Variants in CPE observed in about 807,000 individuals in gnomAD.
CPE encodes the protein carbocypeptidase E.
Under a neutral mutation model 53.5 loss-of-function variants are expected in CPE, and 17 were observed. The ratio of observed to expected loss-of-function variants is 0.32; its 90% CI spans 0.22 to 0.48. The LOEUF is 0.48. CPE is among the 20% of genes least tolerant of loss of function. The pLI is 0.99. For synonymous variants in CPE, 226 were observed against 228.8 expected, an observed-to-expected ratio of 0.99 and a Z score of 0.11; for missense variants, 524 against 614.7, an observed-to-expected ratio of 0.85 and a Z score of 1.56.
At chr4:165,421,640 T>C (rs1486398193) in intron 1 of CPE, among the ~76,000 whole-genome samples, 1 of 149,150 alleles carries the variant, frequency 6.7e-6, no homozygotes, top group Non-Finnish European at 1.5e-5. Context: ...GAAGGGACAA[T>C]TGGAGTTGTA....
intron 1 of CPE, among the ~76,000 whole-genome samples, chr4:165,380,416 T>C (rs1730488691): frequency 6.6e-6 from 1 of 152,206 alleles, no homozygotes; most frequent in Non-Finnish European, 1.5e-5. Context: ...TTTATGTTAA[T>C]TGTGATGCAT....
chr4:165,419,543 T>C (rs1731172769), intron 1 of CPE, among the ~76,000 whole-genome samples: 1 of 152,202 alleles, frequency 6.6e-6, no homozygotes, highest in African/African-American at 2.4e-5. Context: ...ATTATTTTCA[T>C]TCTCATTTTA....
intron 1 of CPE, among the ~76,000 whole-genome samples, chr4:165,394,611 C>T (rs990934061): frequency 2.6e-5 from 4 of 152,048 alleles, no homozygotes; most frequent in African/African-American, 4.8e-5. Context: ...TTGATCTGTT[C>T]ATGTGTCTAC....
chr4:165,464,616 G>A (rs781606366), intron 2 of CPE, 30 bp downstream of exon 2: 3 of 1,540,416 alleles, frequency 1.9e-6, no homozygotes, highest in Non-Finnish European at 2.6e-6. Context: ...GATCAGGCGT[G>A]CTTTCTTCAT....
chr4:165,389,296 A>C lies in CPE; in HGVS notation c.307+9768A>C, dbSNP rs575596991. Among the ~76,000 whole-genome samples, 196 of 152,312 alleles carry C rather than the reference A, an allele frequency of 1.3e-3. 1 individual carries two copies. The highest frequency in any genetic ancestry group is 2.4e-3 in the Non-Finnish European group (162 of 68,010). Reference sequence around the variant, plus strand: ...AAATTTCAAATTAGTTTAACTATTTATATTTATAGATTTCACTCCTATCTA... The same window carrying C: ...AAATTTCAAATTAGTTTAACTATTTCTATTTATAGATTTCACTCCTATCTA... On this transcript the variant is annotated intron_variant, in intron 1 of 8. Coordinates refer to ENST00000402744, the MANE Select transcript of CPE (RefSeq NM_001873.4).
chr4:165,455,805 A>G (rs1731891725), intron 1 of CPE, among the ~76,000 whole-genome samples: 1 of 152,074 alleles, frequency 6.6e-6, no homozygotes, highest in Admixed American at 6.6e-5. Context: ...GGCGCCCGCC[A>G]CCACATCTAG....
intron 1 of CPE, among the ~76,000 whole-genome samples, chr4:165,414,069 AG>A (rs1731084364): frequency 6.6e-6 from 1 of 152,232 alleles, no homozygotes; most frequent in South Asian, 2.1e-4. Context: ...TTTTCTCAAA[AG>A]ATTTGTATGT....
At position 165,392,679 on chromosome 4, in the gene CPE, A is replaced by G. The variant is rs962578509; in HGVS notation, c.307+13151A>G. On this transcript the variant is annotated intron_variant, in intron 1 of 8. Coordinates refer to ENST00000402744, the MANE Select transcript of CPE (RefSeq NM_001873.4). The stretch of plus-strand genomic sequence containing the variant: ...TATACATATTTTATTATATTTATAT[A>G]TCATATCATAATGGAGCTTATCGTA... Among the ~76,000 whole-genome samples the G allele has an allele frequency of 2.7e-5, 4 of 147,378 alleles. No individual in the cohort carries two copies. The Admixed American group carries it at 2.7e-4, about 10-fold the overall frequency.
chr4:165,455,090 T>G (rs1731879120), intron 1 of CPE, among the ~76,000 whole-genome samples: 1 of 152,236 alleles, frequency 6.6e-6, no homozygotes, highest in Non-Finnish European at 1.5e-5. Flanking sequence ...TGCTGCCTCC[T>G]AAACTTTTCT....
At position 165,379,495 on chromosome 4, in the gene CPE, G is replaced by A; in HGVS notation, c.274G>A (p.Glu92Lys). The A allele has an allele frequency of 6.2e-7, 1 of 1,600,700 alleles. No homozygotes were observed. The highest frequency in any genetic ancestry group is 8.5e-7 in the Non-Finnish European group (1 of 1,171,732). The part of the protein sequence containing the change: ...SFEGRELLVI[E>K]LSDNPGVHEP... ...CGAGGGCCGGGAGCTCCTGGTCATCGAGCTGTCCGACAACCCTGGCGTCCA... is the reference window on the plus strand; with the variant it reads ...CGAGGGCCGGGAGCTCCTGGTCATCAAGCTGTCCGACAACCCTGGCGTCCA... The change falls in exon 1 of 9, where the codon GAG becomes AAG. Residue 92 changes from glutamate (E) to lysine (K), a missense_variant. Transcript: ENST00000402744. This position sits in a 1 kb window ranked among gnomAD's most constrained non-coding sequence, Gnocchi z 6.0.
chr4:165,480,702 T>G (rs540728400), intron 3 of CPE, among the ~76,000 whole-genome samples: 1 of 152,282 alleles, frequency 6.6e-6, no homozygotes, highest in East Asian at 1.9e-4. Flanking sequence ...TATCATTTTA[T>G]TAGTATTTAA....
chr4:165,423,131 C>T (rs565902133), intron 1 of CPE, among the ~76,000 whole-genome samples: 4 of 152,188 alleles, frequency 2.6e-5, no homozygotes, highest in African/African-American at 7.2e-5. Context: ...ATGCATTTAT[C>T]TCAGTGAGCA....
intron 3 of CPE, among the ~76,000 whole-genome samples, chr4:165,479,288 T>G (rs1392981475): frequency 2.0e-5 from 3 of 152,178 alleles, no homozygotes; most frequent in Non-Finnish European, 4.4e-5. Flanking sequence ...CAAAATATAA[T>G]AAGAGTGTAT....
At chr4:165,399,287 G>C (rs1445120604) in intron 1 of CPE, among the ~76,000 whole-genome samples, 2 of 152,194 alleles carry the variant, frequency 1.3e-5, no homozygotes, top group African/African-American at 4.8e-5. Flanking sequence ...GATGTATTAA[G>C]ATGTCAAATG....
intron 1 of CPE, among the ~76,000 whole-genome samples, chr4:165,407,497 A>G (rs750502891): frequency 1.3e-5 from 2 of 151,724 alleles, no homozygotes; most frequent in African/African-American, 2.4e-5. Flanking sequence ...CAGCCTCCCA[A>G]ATAACTCAAG....
chr4:165,381,248 T>G, intron 1 of CPE: 1 of 456,148 alleles, frequency 2.2e-6, no homozygotes, highest in Non-Finnish European at 4.4e-6. Flanking sequence ...CTGGAATATA[T>G]AGTTCATCAA....
In CPE at chr4:165,497,544, G is replaced by A; in HGVS notation, c.1365G>A (p.Arg455=). 1 of 1,577,180 alleles carries A rather than the reference G, an allele frequency of 6.3e-7. No individual in the cohort carries two copies. Among genetic ancestry groups the A allele is most frequent in the African/African-American group, 1.4e-5 (1 of 73,308 alleles). The change falls in exon 9 of 9, where the codon AGG becomes AGA. Residue 455 remains arginine, a synonymous_variant. Coordinates refer to ENST00000402744, the MANE Select transcript of CPE (RefSeq NM_001873.4). ...VDFELESFSE[R]KEEEKEELME... Reference sequence around the variant, plus strand: ...TTGAACTGGAGTCATTTTCTGAAAGGAAAGAAGAGGAGAAGGAAGAATTGA... The same window carrying A: ...TTGAACTGGAGTCATTTTCTGAAAGAAAAGAAGAGGAGAAGGAAGAATTGA...
rs1203252104 is a variant in CPE, at chr4:165,495,614, C to T, written c.1269C>T (p.Ala423=). Residue 423 remains alanine (A), a synonymous_variant, in exon 8 of 9, where the codon GCC becomes GCT. Transcript: ENST00000402744. ...TACCTGGAAACTATAAACTTACAGC[C>T]TCAGCTCCAGGCTATCTGGCAATAA... ...LLIPGNYKLT[A]SAPGYLAITK... 1.2e-6 allele frequency: 2 copies of T among 1,614,004 alleles called. No homozygotes were observed. The highest frequency in any genetic ancestry group is 1.7e-5 in the Admixed American group (1 of 59,988).
At chr4:165,449,707 ATT>A (rs920112637) in intron 1 of CPE, among the ~76,000 whole-genome samples, 1 of 150,402 alleles carries the variant, frequency 6.6e-6, no homozygotes. Flanking sequence ...TTTTCTGGTA[ATT>A]TTTTGTTATT....
Sources: gnomAD v4.1 joint callset for allele counts (sites outside exome capture counted in the v4.1 genomes callset) on GRCh38, gnomAD v4.1.1 for gene constraint, Gnocchi (gnomAD v3.1) non-coding constraint, MANE v1.5 for transcripts, NCBI Gene and HGNC (gene_info 2026-07-23, HGNC 2026-07-21) for gene names.